PRKCQ: variants seen among roughly 807,000 people sequenced by gnomAD.
PRKCQ encodes protein kinase C theta, also known as protein kinase C theta type.
PRKCQ carries 41 observed loss-of-function variants against 91.2 expected under a neutral mutation model. The ratio of observed to expected loss-of-function variants is 0.45; its 90% CI spans 0.35 to 0.58. The LOEUF (loss-of-function observed/expected upper bound fraction) is 0.58. Ranked by LOEUF, PRKCQ falls within the 20% of genes least tolerant of loss-of-function variation. The probability of loss-of-function intolerance (pLI) is 0.00; values close to 1 mark genes in which losing one functional copy is unlikely to be tolerated. For missense variants in PRKCQ, 673 were observed against 896.5 expected (o/e 0.75, Z 3.18); for synonymous variants, 307 against 316.9 (o/e 0.97, Z 0.33).
chr10:6,566,542 G>T (rs545148039), intron 1 of PRKCQ, among the ~76,000 whole-genome samples: 2 of 152,172 alleles, frequency 1.3e-5, no homozygotes, highest in Admixed American at 1.3e-4. Flanking sequence ...CTGTTGGGTG[G>T]GTCTGGAAGG....
rs560093367 is a variant in PRKCQ at position 6,495,590 on chromosome 10, G to A, written c.660+1445C>T. ...ATCTTTGTAGCACTTAATATAAATC[G>A]AAGCCATACATAGCTGTTTATTATC... is the stretch of plus-strand genomic sequence containing the variant. On this transcript the variant is annotated intron_variant, in intron 7 of 17. Transcript: ENST00000263125. Among the ~76,000 whole-genome samples, 15 of 152,278 alleles carry A rather than the reference G, an allele frequency of 9.9e-5. No homozygotes were observed. In the South Asian group the frequency reaches 2.5e-3, roughly 25 times the overall value.
intron 14 of PRKCQ, among the ~76,000 whole-genome samples, chr10:6,457,094 T>A (rs1027292998): frequency 5.9e-5 from 9 of 152,180 alleles, no homozygotes; most frequent in African/African-American, 2.2e-4. Flanking sequence ...ATCCCAGGAC[T>A]TTCCTGAGGG....
Position 6,430,794 on chromosome 10 carries a change from A to G in PRKCQ, c.1965+16T>C. On this transcript the variant is annotated intron_variant, in intron 17 of 17. Coordinates refer to ENST00000263125, the MANE Select transcript of PRKCQ (RefSeq NM_006257.5). The surrounding 1 kb of genome is among the most constrained non-coding windows in gnomAD (Gnocchi z 4.7). ...GAGAGTGGCTGACACCAAGCGGCCC[A>G]TGAGCGAGTCCTTACCACTTTCGGC... is the stretch of plus-strand genomic sequence containing the variant. 1.2e-6 allele frequency: 2 copies of G among 1,612,650 alleles called. No individual in the cohort carries two copies. Among genetic ancestry groups the G allele is most frequent in the East Asian group, 2.2e-5 (1 of 44,854 alleles).
chr10:6,558,608 G>C (rs1185778595), intron 1 of PRKCQ, among the ~76,000 whole-genome samples: 1 of 152,130 alleles, frequency 6.6e-6, no homozygotes, highest in Non-Finnish European at 1.5e-5. Flanking sequence ...CTTCGGTCCA[G>C]GAAACTCACT....
chr10:6,490,316 C>T (rs1837214478), intron 8 of PRKCQ, among the ~76,000 whole-genome samples: 2 of 152,028 alleles, frequency 1.3e-5, no homozygotes, highest in Non-Finnish European at 2.9e-5. Flanking sequence ...TGCCGCCTTC[C>T]ATCACGTACC....
At chr10:6,534,791 T>TAC in intron 1 of PRKCQ, among the ~76,000 whole-genome samples, 1 of 117,860 alleles carries the variant, frequency 8.5e-6, no homozygotes, top group South Asian at 2.5e-4. Context: ...TATATATATA[T>TAC]AGATATATAT....
intron 14 of PRKCQ, among the ~76,000 whole-genome samples, chr10:6,459,224 A>C (rs11258967): frequency 0.059 from 8,961 of 152,100 alleles, 614 homozygotes; most frequent in East Asian, 0.35. Context: ...TTTTCCTTTC[A>C]GCTCTTGCAC....
chr10:6,511,354 A>G (rs1046569300), intron 2 of PRKCQ, among the ~76,000 whole-genome samples, 160 bp from the exon 3 acceptor site: 7 of 152,232 alleles, frequency 4.6e-5, no homozygotes, highest in African/African-American at 1.4e-4. Flanking sequence ...AATATGGGAC[A>G]GAATGAGACA....
At chr10:6,509,704 C>T (rs972940883) in intron 3 of PRKCQ, among the ~76,000 whole-genome samples, 14 of 152,160 alleles carry the variant, frequency 9.2e-5, no homozygotes, top group African/African-American at 3.1e-4. Context: ...CCACCACACC[C>T]GGCCCCAGGA....
chr10:6,573,010 T>C (rs1192588613), intron 1 of PRKCQ, among the ~76,000 whole-genome samples: 1 of 152,234 alleles, frequency 6.6e-6, no homozygotes, highest in Middle Eastern at 3.2e-3. Context: ...TTTTTTTCCA[T>C]GTTTGTTGGC....
intron 12 of PRKCQ, among the ~76,000 whole-genome samples, chr10:6,466,978 G>A (rs1462104268): frequency 6.6e-6 from 1 of 152,134 alleles, no homozygotes; most frequent in Non-Finnish European, 1.5e-5. Context: ...TTTAGTTTGT[G>A]AAATGGGGTA....
At chr10:6,484,803 G>T (rs1836810314) in intron 10 of PRKCQ, among the ~76,000 whole-genome samples, 1 of 152,122 alleles carries the variant, frequency 6.6e-6, no homozygotes. Context: ...AAGTCTCAAA[G>T]GTGCAGAGTA....
At chr10:6,521,922 G>T (rs1480566782) in intron 1 of PRKCQ, among the ~76,000 whole-genome samples, 16,647 of 62,934 alleles carry the variant, frequency 0.26, 1,036 homozygotes, top group Middle Eastern at 0.43. Flanking sequence ...GTTATGTTAT[G>T]TTATTTATTT....
chr10:6,477,311 T>C (rs1836322340), intron 12 of PRKCQ, among the ~76,000 whole-genome samples: 1 of 152,248 alleles, frequency 6.6e-6, no homozygotes, highest in East Asian at 1.9e-4. Context: ...TCCTCCACAG[T>C]GCTTTGAGCA....
chr10:6,570,553 C>CTT (rs34824156), intron 1 of PRKCQ, among the ~76,000 whole-genome samples: 7 of 135,202 alleles, frequency 5.2e-5, no homozygotes, highest in East Asian at 2.2e-4. Context: ...TAAGGGGCTT[C>CTT]TTTTTTTTTT....
intron 11 of PRKCQ, 42 bp from the exon 12 acceptor site, chr10:6,479,207 A>G (rs201613395): frequency 1.2e-6 from 2 of 1,601,454 alleles, no homozygotes; most frequent in East Asian, 2.2e-5. Context: ...TAGAATTTGG[A>G]TTCCCATTTC....
intron 1 of PRKCQ, among the ~76,000 whole-genome samples, chr10:6,523,470 A>G (rs2130885461): frequency 6.6e-6 from 1 of 152,266 alleles, no homozygotes; most frequent in African/African-American, 2.4e-5. Context: ...TAATAATAAT[A>G]AAGTATAAAT....
chr10:6,415,655 T>G, the PRKCQ span, among the ~76,000 whole-genome samples: 1 of 151,654 alleles, frequency 6.6e-6, no homozygotes, highest in Non-Finnish European at 1.5e-5. Flanking sequence ...CCCAGAACCA[T>G]ATGTTTGTAC....
chr10:6,460,927 A>G (rs561384416), intron 14 of PRKCQ, among the ~76,000 whole-genome samples: 106 of 151,128 alleles, frequency 7.0e-4, no homozygotes, highest in African/African-American at 2.4e-3. Flanking sequence ...CCATCTGTTC[A>G]TCCATCCGTT....
Sources: gnomAD v4.1 joint callset for allele counts (sites outside exome capture counted in the v4.1 genomes callset) on GRCh38, gnomAD v4.1.1 for gene constraint, Gnocchi (gnomAD v3.1) non-coding constraint, MANE v1.5 for transcripts, NCBI Gene and HGNC (gene_info 2026-07-23, HGNC 2026-07-21) for gene names.